Variants in PRIM2 observed in about 807,000 individuals in gnomAD.
The protein encoded by PRIM2 is DNA primase subunit 2.
PRIM2 carries 39 observed loss-of-function variants against 67.3 expected under a neutral mutation model. That is an observed-to-expected ratio of 0.58 (90% CI 0.45 to 0.76). The LOEUF is 0.76. Ranked by LOEUF, PRIM2 falls within the 30% of genes least tolerant of loss-of-function variation. The probability of loss-of-function intolerance (pLI) is 0.00; values close to 1 mark genes in which losing one functional copy is unlikely to be tolerated. For missense variants in PRIM2, 398 were observed against 598.7 expected (o/e 0.66, Z 3.50); for synonymous variants, 143 against 198.7 (o/e 0.72, Z 2.36).
intron 10 of PRIM2, among the ~76,000 whole-genome samples, chr6:57,572,389 C>G (rs1282248288): frequency 1.3e-5 from 2 of 152,220 alleles, no homozygotes; most frequent in Middle Eastern, 3.4e-3. Context: ...TCCCTTAGTG[C>G]AATTAAGGTG....
Position 57,642,435 on chromosome 6 carries a change from C to CTTTTTTTTTTTTT in PRIM2, c.1300-3480_1300-3468dup, listed in dbSNP as rs1156576933. On this transcript the variant is annotated intron_variant, in intron 13 of 13. Coordinates refer to ENST00000615550, the MANE Select transcript of PRIM2 (RefSeq NM_000947.5). Reference sequence around the variant, plus strand: ...TATGCACATACCTTAAATATTATATCTTTTTTTTTTTTTTTTTTTTTTTTT... The same window carrying CTTTTTTTTTTTTT: ...TATGCACATACCTTAAATATTATATCTTTTTTTTTTTTTTTTTTTTTTTTTTTTTTTTTTTTTT... Among the ~76,000 whole-genome samples the CTTTTTTTTTTTTT allele has an allele frequency of 9.9e-4, 82 of 83,174 alleles. 2 individuals carry two copies. The highest frequency in any genetic ancestry group is 1.2e-3 in the Non-Finnish European group (57 of 47,404). 54.6% of individuals were successfully genotyped at this position (83,174 alleles called of 152,430 possible).
intron 7 of PRIM2, among the ~76,000 whole-genome samples, chr6:57,494,959 G>C (rs1554346238): frequency 2.0e-5 from 3 of 152,056 alleles, no homozygotes; most frequent in Non-Finnish European, 4.4e-5. Context: ...TCAATGGTTT[G>C]TATTGATTTT....
At chr6:57,592,009 T>A (rs1776289630) in intron 10 of PRIM2, among the ~76,000 whole-genome samples, 2 of 152,136 alleles carry the variant, frequency 1.3e-5, no homozygotes, top group African/African-American at 4.8e-5. Context: ...CAAAATCATG[T>A]CCTTTGCATC....
chr6:57,254,709 A>C, the PRIM2 span, among the ~76,000 whole-genome samples: 1 of 49,162 alleles, frequency 2.0e-5, no homozygotes, highest in South Asian at 1.1e-3. Context: ...GACCTCCACA[A>C]ACAAGTTTAT....
At chr6:57,571,792 A>G (rs1775867540) in intron 10 of PRIM2, among the ~76,000 whole-genome samples, 1 of 152,246 alleles carries the variant, frequency 6.6e-6, no homozygotes, top group African/African-American at 2.4e-5. Context: ...ATTAGTCATT[A>G]TTAACTGGGT....
At chr6:57,336,816 A>G (rs566042646) in intron 5 of PRIM2, among the ~76,000 whole-genome samples, 1 of 152,332 alleles carries the variant, frequency 6.6e-6, no homozygotes, top group East Asian at 1.9e-4. Flanking sequence ...GAGCAAAATA[A>G]CCAGCTAACA....
At chr6:57,559,012 C>G (rs1421439036) in intron 10 of PRIM2, among the ~76,000 whole-genome samples, 7 of 151,790 alleles carry the variant, frequency 4.6e-5, no homozygotes, top group Non-Finnish European at 7.4e-5. Context: ...TGATACACAC[C>G]TGTAGTCTCA....
intron 12 of PRIM2, among the ~76,000 whole-genome samples, chr6:57,630,841 G>A (rs1205619178): frequency 6.6e-6 from 1 of 152,046 alleles, no homozygotes; most frequent in African/African-American, 2.4e-5. Flanking sequence ...CAGTGTTAGC[G>A]TTACTTGGAA....
intron 10 of PRIM2, among the ~76,000 whole-genome samples, chr6:57,549,065 C>A (rs1246512499): frequency 6.6e-6 from 1 of 152,044 alleles, no homozygotes; most frequent in African/African-American, 2.4e-5. Flanking sequence ...TTATTTATGT[C>A]GAGTTTACTA....
chr6:57,411,833 T>A (rs1422498011), intron 7 of PRIM2, among the ~76,000 whole-genome samples: 9 of 151,206 alleles, frequency 6.0e-5, no homozygotes, highest in African/African-American at 2.2e-4. Flanking sequence ...GTTAATGAGT[T>A]GGGAAGTATA....
At chr6:57,499,252 C>T (rs1369863880) in intron 7 of PRIM2, among the ~76,000 whole-genome samples, 9 of 152,212 alleles carry the variant, frequency 5.9e-5, no homozygotes, top group Non-Finnish European at 5.9e-5. Context: ...ACAGATATCT[C>T]TAATCTCCCA....
chr6:57,512,328 T>C (rs1774388472), intron 8 of PRIM2, among the ~76,000 whole-genome samples: 1 of 152,148 alleles, frequency 6.6e-6, no homozygotes, highest in Non-Finnish European at 1.5e-5. Context: ...ATTGGTAAGA[T>C]GAGCATATTT....
intron 13 of PRIM2, among the ~76,000 whole-genome samples, chr6:57,637,415 A>C (rs1437407108): frequency 6.6e-6 from 1 of 152,194 alleles, no homozygotes; most frequent in Non-Finnish European, 1.5e-5. Flanking sequence ...AGTTTGACAA[A>C]TTGCCAGAAG....
intron 8 of PRIM2, among the ~76,000 whole-genome samples, chr6:57,521,367 GTTTTTT>G (rs1163114437): frequency 5.3e-4 from 52 of 97,968 alleles, no homozygotes; most frequent in Admixed American, 1.3e-3. Flanking sequence ...TGTGGTTAGG[GTTTTTT>G]TTTTTTTTTT....
At chr6:57,405,163 T>C (rs1029877) in intron 7 of PRIM2, among the ~76,000 whole-genome samples, 9 of 150,184 alleles carry the variant, frequency 6.0e-5, no homozygotes, top group East Asian at 1.9e-4. Context: ...TTTTTTTTGG[T>C]GGGGAGGGGT....
intron 7 of PRIM2, among the ~76,000 whole-genome samples, chr6:57,503,316 G>C (rs1379494133): frequency 6.6e-6 from 1 of 152,180 alleles, no homozygotes. Flanking sequence ...GCTGCTTTAC[G>C]AAGAGTTAGG....
intron 7 of PRIM2, among the ~76,000 whole-genome samples, chr6:57,491,276 A>G (rs1562775305): frequency 6.6e-6 from 1 of 152,220 alleles, no homozygotes; most frequent in Non-Finnish European, 1.5e-5. Flanking sequence ...TACTCTGCAT[A>G]TTTGAGGCGA....
rs1374091634 is a variant in PRIM2 at position 57,346,458 on chromosome 6, TAC to T, written c.459+20415_459+20416del. Among the ~76,000 whole-genome samples the T allele has an allele frequency of 2.6e-5, 4 of 152,082 alleles. No individual in the cohort carries two copies. In the East Asian group the frequency reaches 7.7e-4, roughly 29 times the overall value. Reference sequence around the variant, plus strand: ...CCCCAGCCTCCCGAGTAGCTGGGATTACAGTCGCCCACCACCATGCCTGGCTA... The same window carrying T: ...CCCCAGCCTCCCGAGTAGCTGGGATTAGTCGCCCACCACCATGCCTGGCTA... On this transcript the variant is annotated intron_variant, in intron 5 of 13. Transcript: ENST00000615550.
Position 57,386,145 on chromosome 6 carries a change from G to A in PRIM2, c.693+3977G>A, listed in dbSNP as rs562779450. 9.5e-4 allele frequency among the ~76,000 whole-genome samples: 145 copies of A among 151,834 alleles called. 1 individual carries two copies. The Middle Eastern group carries it at 0.024, about 25-fold the overall frequency. ...TCACACCTGTAACCCTCGTCCTTTG[G>A]GAGGAGGAGGTGGGAGGATTGCTTG... On this transcript the variant is annotated intron_variant, in intron 7 of 13. Transcript: ENST00000615550.
Sources: gnomAD v4.1 joint callset for allele counts (sites outside exome capture counted in the v4.1 genomes callset) on GRCh38, gnomAD v4.1.1 for gene constraint, MANE v1.5 for transcripts, NCBI Gene and HGNC (gene_info 2026-07-23, HGNC 2026-07-21) for gene names.